The following PCDHA3 variants were observed in gnomAD, a reference collection of about 807,000 sequenced individuals.
PCDHA3 encodes the protein protocadherin alpha-3.
PCDHA3 carries 41 observed loss-of-function variants against 62.2 expected under a neutral mutation model. The ratio of observed to expected loss-of-function variants is 0.66; its 90% confidence interval spans 0.51 to 0.86. The LOEUF (loss-of-function observed/expected upper bound fraction) is 0.86. PCDHA3 is among the 40% of genes least tolerant of loss of function. PCDHA3 has a pLI of 0.00. For synonymous variants in PCDHA3, 640 were observed against 555.4 expected (o/e 1.15, Z -2.14); for missense variants, 1,304 against 1,241.2 (o/e 1.05, Z -0.76).
chr5:140,927,980 G>A, intron 1 of PCDHA3: 2 of 1,614,220 alleles, frequency 1.2e-6, no homozygotes, highest in Non-Finnish European at 1.7e-6. Flanking sequence ...GCTCTCTTTA[G>A]TGTAAAGGAT....
chr5:140,881,538 C>A (rs879991805), intron 1 of PCDHA3, among the ~76,000 whole-genome samples: 1 of 152,196 alleles, frequency 6.6e-6, no homozygotes, highest in Middle Eastern at 3.2e-3. Flanking sequence ...TGACTGAACA[C>A]TTTCTTTTGA....
intron 1 of PCDHA3, chr5:140,852,259 C>G: frequency 2.0e-6 from 1 of 509,052 alleles, no homozygotes; most frequent in Non-Finnish European, 2.6e-6. Flanking sequence ...TTGGAATATG[C>G]TACAATATTA....
At position 140,980,684 on chromosome 5, in the gene PCDHA3, GA is replaced by G. The variant is rs782726576; in HGVS notation, c.2453+1687del. 1.5e-4 allele frequency among the ~76,000 whole-genome samples: 22 copies of G among 145,136 alleles called. No individual in the cohort carries two copies. In the East Asian group the frequency reaches 2.6e-3, roughly 17 times the overall value. ...AACTTCCTTATCCCATTTTCAAATT[GA>G]AAAAAAAAAGCCAAATGTGCTCCTA... On this transcript the variant is annotated intron_variant, in intron 2 of 3. Transcript: ENST00000522353.
At chr5:140,822,931 T>G in intron 1 of PCDHA3, 1 of 1,614,276 alleles carries the variant, frequency 6.2e-7, no homozygotes, top group Non-Finnish European at 8.5e-7. Flanking sequence ...GCAGGTGACC[T>G]GCTCCCTAAT....
chr5:140,824,555 G>A, intron 1 of PCDHA3: 1 of 172,410 alleles, frequency 5.8e-6, no homozygotes, highest in Non-Finnish European at 1.2e-5. Context: ...GGGCTCAAGT[G>A]ATCCTCCTAT....
At chr5:140,935,264 A>G (rs756476804) in intron 1 of PCDHA3, among the ~76,000 whole-genome samples, 3 of 152,196 alleles carry the variant, frequency 2.0e-5, no homozygotes, top group African/African-American at 7.2e-5. Context: ...TCACATGTTT[A>G]TACTAATCTA....
chr5:140,806,999 C>G lies in PCDHA3; in HGVS notation c.2394+3408C>G, dbSNP rs1193056952. 6 of 721,872 alleles carry G rather than the reference C, an allele frequency of 8.3e-6. 1 individual carries two copies. The Middle Eastern group carries it at 1.2e-3, about 146-fold the overall frequency. The allele number at this position is 721,872 out of a possible 1,614,324, so 44.7% of individuals were successfully genotyped here. A position where few individuals can be genotyped will look rare whatever the true frequency, so the allele number is the denominator to read the frequency against. ...CGGTTTGGAGCCACATGATGTCGCT[C>G]TTTACCACAAAATACATGAGAGAAG... On this transcript the variant is annotated intron_variant, in intron 1 of 3. Transcript: ENST00000522353.
intron 1 of PCDHA3, chr5:140,875,319 A>T: frequency 7.0e-7 from 1 of 1,428,968 alleles, no homozygotes; most frequent in South Asian, 1.6e-5. Context: ...CATTCCAATC[A>T]TTCACGGAAT....
intron 1 of PCDHA3, chr5:140,930,104 G>T (rs532818002): frequency 6.6e-6 from 1 of 152,210 alleles, no homozygotes; most frequent in Non-Finnish European, 1.5e-5. Flanking sequence ...ACTGATAGGA[G>T]ATCATATTGT....
At chr5:140,966,993 G>A in intron 1 of PCDHA3, 4 of 1,604,524 alleles carry the variant, frequency 2.5e-6, no homozygotes, top group Non-Finnish European at 3.4e-6. Context: ...GGGCCGGGTT[G>A]CTTGCGCATC....
intron 3 of PCDHA3, among the ~76,000 whole-genome samples, chr5:140,995,291 G>A (rs958346050): frequency 1.4e-4 from 22 of 152,086 alleles, no homozygotes; most frequent in African/African-American, 4.6e-4. Flanking sequence ...ACAGCCAGTC[G>A]GATACCAAGA....
At chr5:140,903,636 T>C (rs1330875573) in intron 1 of PCDHA3, among the ~76,000 whole-genome samples, 3 of 152,236 alleles carry the variant, frequency 2.0e-5, no homozygotes, top group African/African-American at 7.2e-5. Context: ...TGTATGCATA[T>C]ACCATATACA....
At chr5:140,911,709 G>A (rs1029382331) in intron 1 of PCDHA3, among the ~76,000 whole-genome samples, 1 of 151,822 alleles carries the variant, frequency 6.6e-6, no homozygotes, top group Non-Finnish European at 1.5e-5. Context: ...AATTTATTTT[G>A]TGTAACTCTG....
Position 140,858,037 on chromosome 5 carries a change from T to G in PCDHA3, c.2394+54446T>G, listed in dbSNP as rs782428899. On this transcript the variant is annotated intron_variant, in intron 1 of 3. Coordinates refer to ENST00000522353, the MANE Select transcript of PCDHA3 (RefSeq NM_018906.3). The stretch of plus-strand genomic sequence containing the variant: ...AGCCGTCGCTGACGGCCACGGCCAC[T>G]GTGCTTGTGTCGCTTGTGGAGGGCA... 6 of 1,596,390 alleles carry G rather than the reference T, an allele frequency of 3.8e-6. 1 individual carries two copies. The highest frequency in any genetic ancestry group is 5.1e-6 in the Non-Finnish European group (6 of 1,167,344).
rs17844287 is a variant in PCDHA3, at chr5:140,821,857, G to T, written c.2394+18266G>T. The T allele has an allele frequency of 9.3e-5, 150 of 1,614,186 alleles. No individual in the cohort carries two copies. The East Asian group carries it at 3.3e-3, about 35-fold the overall frequency. ...CCTTGCCTACTGGAAGGCAGGGAGC[G>T]GCCAGCTCCACTACTCGATCCCGGA... is the stretch of plus-strand genomic sequence containing the variant. On this transcript the variant is annotated intron_variant, in intron 1 of 3. Transcript: ENST00000522353.
At chr5:140,923,434 G>A (rs1461886077) in intron 1 of PCDHA3, among the ~76,000 whole-genome samples, 1 of 152,088 alleles carries the variant, frequency 6.6e-6, no homozygotes, top group Non-Finnish European at 1.5e-5. Context: ...AGGCTGGGGT[G>A]GGAGGATCAC....
chr5:141,000,381 CTCTCTCTCTCTCTCTATATA>C (rs2097908619), intron 3 of PCDHA3, among the ~76,000 whole-genome samples: 2 of 61,370 alleles, frequency 3.3e-5, no homozygotes, highest in African/African-American at 7.4e-5. Context: ...CTCTCTCTCT[CTCTCTCTCTCTCTCTATATA>C]TATATATATA....
intron 1 of PCDHA3, among the ~76,000 whole-genome samples, chr5:140,881,006 G>A (rs2058554707): frequency 6.6e-6 from 1 of 152,172 alleles, no homozygotes; most frequent in South Asian, 2.1e-4. Flanking sequence ...GGAGAGCAGA[G>A]CTATGGAAAT....
chr5:140,852,577 T>G, intron 1 of PCDHA3: 3 of 825,200 alleles, frequency 3.6e-6, no homozygotes, highest in Non-Finnish European at 3.0e-6. Flanking sequence ...TGCCAAGGCT[T>G]TTTTATTTTT....
Sources: allele counts gnomAD v4.1 joint callset (sites outside exome capture counted in the v4.1 genomes callset), GRCh38; gene constraint gnomAD v4.1.1; transcripts MANE v1.5; gene names NCBI Gene and HGNC (gene_info 2026-07-23, HGNC 2026-07-21).